Variants in AHI1 observed in about 807,000 individuals in gnomAD.
AHI1 encodes the protein jouberin.
A neutral mutation model predicts 149.3 loss-of-function variants in AHI1; 123 were observed. The ratio of observed to expected loss-of-function variants is 0.82; its 90% CI spans 0.71 to 0.96. The LOEUF is 0.96. Among genes scored for constraint, AHI1 ranks in the 40% least tolerant of loss-of-function variants. The probability of loss-of-function intolerance (pLI) is 0.00; values close to 1 mark genes in which losing one functional copy is unlikely to be tolerated. For missense variants in AHI1, 1,439 were observed against 1,422.7 expected, an observed-to-expected ratio of 1.01 and a Z score of -0.18; for synonymous variants, 475 against 459.8, an observed-to-expected ratio of 1.03 and a Z score of -0.42.
At chr6:135,364,343 G>A (rs963258673) in intron 23 of AHI1, among the ~76,000 whole-genome samples, 2 of 151,412 alleles carry the variant, frequency 1.3e-5, no homozygotes, top group African/African-American at 4.9e-5. Flanking sequence ...TGGCGGCCGG[G>A]AAGAGGCGCT....
At chr6:135,366,794 T>C (rs1461646666) in intron 23 of AHI1, among the ~76,000 whole-genome samples, 1 of 152,186 alleles carries the variant, frequency 6.6e-6, no homozygotes, top group African/African-American at 2.4e-5. Flanking sequence ...TCTGCTCTGA[T>C]CTTTGTTATT....
At chr6:135,296,834 T>C (rs1783156057) in intron 27 of AHI1, among the ~76,000 whole-genome samples, 1 of 152,262 alleles carries the variant, frequency 6.6e-6, no homozygotes, top group Admixed American at 6.5e-5. Context: ...CCTCAGTGCC[T>C]AGAACACTGT....
intron 27 of AHI1, among the ~76,000 whole-genome samples, chr6:135,290,822 C>A (rs988029802): frequency 1.3e-5 from 2 of 151,854 alleles, no homozygotes; most frequent in African/African-American, 4.8e-5. Flanking sequence ...TGTGGACTTA[C>A]AGAATAAAAT....
intron 24 of AHI1, among the ~76,000 whole-genome samples, chr6:135,334,490 C>T (rs541540070): frequency 2.0e-4 from 31 of 152,268 alleles, no homozygotes; most frequent in African/African-American, 6.7e-4. Flanking sequence ...ATAAGTCACT[C>T]GGTCTATGGT....
intron 9 of AHI1, among the ~76,000 whole-genome samples, chr6:135,457,259 G>C (rs1789117622): frequency 6.6e-6 from 1 of 152,168 alleles, no homozygotes; most frequent in Non-Finnish European, 1.5e-5. Context: ...TTCCAGCCTG[G>C]GCGACAAAGC....
intron 26 of AHI1, among the ~76,000 whole-genome samples, chr6:135,305,343 A>G (rs777563150): frequency 6.6e-6 from 1 of 152,170 alleles, no homozygotes; most frequent in African/African-American, 2.4e-5. Flanking sequence ...AAATATAGCA[A>G]TTTTTCTGGA....
intron 24 of AHI1, among the ~76,000 whole-genome samples, chr6:135,354,542 C>A (rs1792662312): frequency 1.3e-5 from 2 of 152,088 alleles, no homozygotes; most frequent in African/African-American, 4.8e-5. Context: ...CTTTGATTTG[C>A]AAATAAGTCC....
intron 22 of AHI1, among the ~76,000 whole-genome samples, chr6:135,404,669 T>C (rs749282461): frequency 8.5e-5 from 13 of 152,368 alleles, no homozygotes; most frequent in Non-Finnish European, 1.6e-4. Flanking sequence ...ATAAAATTTT[T>C]CTCAGAGAAT....
intron 23 of AHI1, among the ~76,000 whole-genome samples, chr6:135,377,012 G>C (rs1312196614): frequency 6.8e-6 from 1 of 146,536 alleles, no homozygotes; most frequent in African/African-American, 2.5e-5. Context: ...AGCAATTTAA[G>C]TATGAATCTG....
At chr6:135,376,857 C>T (rs60735411) in intron 23 of AHI1, among the ~76,000 whole-genome samples, 1,607 of 112,852 alleles carry the variant, frequency 0.014, 36 homozygotes, top group African/African-American at 0.052. Flanking sequence ...AATCCAGCCT[C>T]GGTGACAGAG....
intron 25 of AHI1, among the ~76,000 whole-genome samples, 151 bp from the exon 26 acceptor site, chr6:135,318,767 G>A (rs1562491120): frequency 2.0e-5 from 3 of 152,152 alleles, no homozygotes; most frequent in Admixed American, 6.5e-5. Flanking sequence ...TACTTGTTAC[G>A]GCAATTTGCA....
intron 23 of AHI1, among the ~76,000 whole-genome samples, chr6:135,373,610 T>C (rs1775395622): frequency 6.6e-6 from 1 of 152,228 alleles, no homozygotes. Flanking sequence ...GACATTTTAT[T>C]CCATTGTACC....
chr6:135,396,613 T>C (rs1779249546), intron 22 of AHI1, among the ~76,000 whole-genome samples: 1 of 151,836 alleles, frequency 6.6e-6, no homozygotes, highest in South Asian at 2.1e-4. Context: ...GTAGCCAATT[T>C]TTCAGAGTTC....
At chr6:135,435,506 G>C (rs1305917029) in intron 15 of AHI1, among the ~76,000 whole-genome samples, 1 of 152,122 alleles carries the variant, frequency 6.6e-6, no homozygotes, top group Non-Finnish European at 1.5e-5. Flanking sequence ...TCAAAGGGCA[G>C]GAAGATGCCA....
chr6:135,403,571 C>T (rs1287096479), intron 22 of AHI1, among the ~76,000 whole-genome samples: 1 of 152,108 alleles, frequency 6.6e-6, no homozygotes, highest in African/African-American at 2.4e-5. Context: ...GACATTCAGA[C>T]AGCATTCCAA....
Position 135,438,459 on chromosome 6 carries a change from C to T in AHI1, c.1952G>A (p.Cys651Tyr), listed in dbSNP as rs1321973586. Reference protein sequence around the residue: ...IPSGRFMRELCGHLNIIYDLS... With the variant: ...IPSGRFMRELYGHLNIIYDLS... ...ATCATAAATGATATTGAGGTGGCCACACAATTCTCTCATGAAACGTCCAGA... is the reference window on the plus strand; with the variant it reads ...ATCATAAATGATATTGAGGTGGCCATACAATTCTCTCATGAAACGTCCAGA... The change falls in exon 15 of 29, where the codon TGT (cysteine) becomes TAT (tyrosine). Residue 651 changes from cysteine (C) to tyrosine (Y), a missense_variant. Transcript: ENST00000265602. The T allele has an allele frequency of 1.9e-6, 3 of 1,552,570 alleles. No individual in the cohort carries two copies. Among genetic ancestry groups the T allele is most frequent in the Admixed American group, 1.9e-5 (1 of 51,350 alleles).
At chr6:135,377,030 T>C (rs769873212) in intron 23 of AHI1, among the ~76,000 whole-genome samples, 24 of 151,220 alleles carry the variant, frequency 1.6e-4, no homozygotes, top group Non-Finnish European at 2.9e-4. Flanking sequence ...CTGGACTGGA[T>C]GCTGAATAAA....
In AHI1 at chr6:135,393,381, T is replaced by C. The variant is rs143103220; in HGVS notation, c.3109+1395A>G. On this transcript the variant is annotated intron_variant, in intron 23 of 28. Coordinates refer to ENST00000265602, the MANE Select transcript of AHI1 (RefSeq NM_001134831.2). ...TATTAACTCAACCAGATATTTACCT[T>C]CTAAGCTCTTAATCCTGAATTGTGG... Among the ~76,000 whole-genome samples the C allele has an allele frequency of 1.8e-3, 267 of 152,292 alleles. 1 individual carries two copies. Among genetic ancestry groups the C allele is most frequent in the African/African-American group, 6.2e-3 (259 of 41,578 alleles).
intron 24 of AHI1, among the ~76,000 whole-genome samples, chr6:135,357,536 A>C (rs531751974): frequency 6.6e-6 from 1 of 152,370 alleles, no homozygotes; most frequent in African/African-American, 2.4e-5. Flanking sequence ...CACAGGAAGT[A>C]CTTGGAAGAC....
Sources: allele counts gnomAD v4.1 joint callset (sites outside exome capture counted in the v4.1 genomes callset), GRCh38; gene constraint gnomAD v4.1.1; transcripts MANE v1.5; gene names NCBI Gene and HGNC (gene_info 2026-07-23, HGNC 2026-07-21).